The following NRBF2 variants were observed in gnomAD, a reference collection of about 807,000 sequenced individuals.
The protein encoded by NRBF2 is nuclear receptor-binding factor 2.
A neutral mutation model predicts 28.5 loss-of-function variants in NRBF2; 12 were observed. The ratio of observed to expected loss-of-function variants is 0.42; its 90% CI spans 0.27 to 0.68. NRBF2 has a LOEUF of 0.68. Ranked by LOEUF, NRBF2 falls within the 30% of genes least tolerant of loss-of-function variation. The pLI is 0.24. For missense variants in NRBF2, 274 were observed against 333.5 expected (o/e 0.82, Z 1.39); for synonymous variants, 102 against 116.5 (o/e 0.88, Z 0.80).
rs1040069180 is a variant in NRBF2 at position 63,133,355 on chromosome 10, TGGGGCGCAGAGA to T, written c.-110_-99del. ...TCCTTCAGCGCCTATCGCTGGCTCT[TGGGGCGCAGAGA>T]GGGGCCGCAGTCTCCGCGGCTGCGT... is the stretch of plus-strand genomic sequence containing the variant. On this transcript the variant is annotated 5_prime_UTR_variant, in exon 1 of 4. Transcript: ENST00000277746. 1 of 1,238,266 alleles carries T rather than the reference TGGGGCGCAGAGA, an allele frequency of 8.1e-7. No homozygotes were observed. Among genetic ancestry groups the T allele is most frequent in the African/African-American group, 1.5e-5 (1 of 65,970 alleles). 76.7% of individuals were successfully genotyped at this position (1,238,266 alleles called of 1,614,324 possible).
intron 2 of NRBF2, among the ~76,000 whole-genome samples, chr10:63,151,946 C>T (rs765574542): frequency 3.5e-4 from 54 of 152,176 alleles, no homozygotes; most frequent in Non-Finnish European, 7.1e-4. Flanking sequence ...ACAAAACCTT[C>T]AAGATAGGGT....
rs535801791 is a variant in NRBF2 at position 63,133,376 on chromosome 10, A to G, written c.-95A>G. The G allele has an allele frequency of 2.8e-6, 4 of 1,424,036 alleles. No homozygotes were observed. The highest frequency in any genetic ancestry group is 2.8e-5 in the African/African-American group (2 of 70,386). The allele number at this position is 1,424,036 out of a possible 1,614,324, so 88.2% of individuals were successfully genotyped here. A position where few individuals can be genotyped will look rare whatever the true frequency, so the allele number is the denominator to read the frequency against. On this transcript the variant is annotated 5_prime_UTR_variant, in exon 1 of 4. Transcript: ENST00000277746. ...CTCTTGGGGCGCAGAGAGGGGCCGC[A>G]GTCTCCGCGGCTGCGTCGAGCTCCC... is the stretch of plus-strand genomic sequence containing the variant.
At chr10:63,142,385 C>G (rs1841487134) in intron 1 of NRBF2, among the ~76,000 whole-genome samples, 1 of 149,884 alleles carries the variant, frequency 6.7e-6, no homozygotes, top group African/African-American at 2.4e-5. Flanking sequence ...CTCACTGCAA[C>G]CTCTGCCGCC....
chr10:63,137,024 C>G (rs1277904973), intron 1 of NRBF2, among the ~76,000 whole-genome samples: 1 of 152,178 alleles, frequency 6.6e-6, no homozygotes, highest in Non-Finnish European at 1.5e-5. Flanking sequence ...GTTTTTTGGT[C>G]AATTTTTCTT....
chr10:63,152,122 T>C (rs1157254751), intron 2 of NRBF2, 28 bp from the exon 3 acceptor site: 2 of 1,586,632 alleles, frequency 1.3e-6, no homozygotes, highest in Admixed American at 1.7e-5. Flanking sequence ...AAGACACATA[T>C]TAACATGCCT....
intron 2 of NRBF2, among the ~76,000 whole-genome samples, chr10:63,148,349 G>A (rs1011400205): frequency 6.6e-6 from 1 of 152,198 alleles, no homozygotes; most frequent in African/African-American, 2.4e-5. Flanking sequence ...TTGTGTTTTA[G>A]AATGGAGTTG....
At chr10:63,150,099 G>A (rs1410259946) in intron 2 of NRBF2, among the ~76,000 whole-genome samples, 14 of 150,900 alleles carry the variant, frequency 9.3e-5, no homozygotes, top group Middle Eastern at 3.4e-3. Flanking sequence ...CTGCCACCAC[G>A]CCCAGCTAAT....
rs750920127 is a variant in NRBF2, at chr10:63,146,241, A to G, written c.63A>G (p.Leu21=). 3 of 1,612,510 alleles carry G rather than the reference A, an allele frequency of 1.9e-6. No individual in the cohort carries two copies. In the South Asian group the frequency reaches 3.3e-5, roughly 18 times the overall value. The part of the protein sequence containing the change: ...AHQQSRRADR[L]LAAGKYEEAI... ...AACAGAGCAGACGAGCAGACCGTTT[A>G]TTAGCTGCAGGCAAATACGAAGAGG... The change falls in exon 2 of 4, where the codon TTA becomes TTG. Residue 21 remains leucine, a synonymous_variant. Coordinates refer to ENST00000277746, the MANE Select transcript of NRBF2 (RefSeq NM_030759.5).
intron 1 of NRBF2, among the ~76,000 whole-genome samples, chr10:63,141,961 C>T (rs1302316608): frequency 6.6e-6 from 1 of 152,158 alleles, no homozygotes; most frequent in Non-Finnish European, 1.5e-5. Flanking sequence ...AGAGATTGGA[C>T]TCTACATGGG....
chr10:63,137,665 G>A (rs1589015970), intron 1 of NRBF2, among the ~76,000 whole-genome samples: 2 of 152,330 alleles, frequency 1.3e-5, no homozygotes, highest in Admixed American at 1.3e-4. Flanking sequence ...AAGAAAAGTA[G>A]TCAGATATCA....
chr10:63,133,993 A>C (rs1589014621), intron 1 of NRBF2, among the ~76,000 whole-genome samples: 9 of 51,372 alleles, frequency 1.8e-4, no homozygotes, highest in East Asian at 4.9e-4. Context: ...CCCCCTCCTC[A>C]CCCTCCACTT....
intron 2 of NRBF2, among the ~76,000 whole-genome samples, chr10:63,149,525 T>G (rs558301217): frequency 5.5e-4 from 84 of 152,382 alleles, no homozygotes; most frequent in African/African-American, 1.9e-3. Context: ...TTTCTAAATT[T>G]CTGTGTTGCT....
intron 2 of NRBF2, 44 bp from the exon 3 acceptor site, chr10:63,152,105 CA>C: frequency 6.9e-7 from 1 of 1,455,914 alleles, no homozygotes; most frequent in Non-Finnish European, 9.6e-7. Flanking sequence ...CTGTTAATTA[CA>C]AAATGAAGAC....
At chr10:63,139,091 C>A (rs182562666) in intron 1 of NRBF2, among the ~76,000 whole-genome samples, 3 of 152,244 alleles carry the variant, frequency 2.0e-5, no homozygotes, top group Non-Finnish European at 4.4e-5. Flanking sequence ...CTCACCACAA[C>A]CTCCGCCTCC....
intron 2 of NRBF2, 52 bp from the exon 3 acceptor site, chr10:63,152,095 CTGT>C: frequency 2.3e-6 from 3 of 1,277,878 alleles, no homozygotes; most frequent in East Asian, 2.3e-5. Context: ...TTCCTTTTAC[CTGT>C]TAATTACAAA....
At chr10:63,152,066 A>G in intron 2 of NRBF2, 84 bp from the exon 3 acceptor site, 2 of 990,934 alleles carry the variant, frequency 2.0e-6, no homozygotes, top group South Asian at 2.8e-5. Context: ...TCTTTGTCAT[A>G]TGAAGATTAT....
intron 1 of NRBF2, among the ~76,000 whole-genome samples, chr10:63,137,901 T>C (rs1460797694): frequency 6.6e-6 from 1 of 152,192 alleles, no homozygotes; most frequent in Non-Finnish European, 1.5e-5. Context: ...CAATTATTGC[T>C]AAGTGGTAGG....
Position 63,146,271 on chromosome 10 carries a change from T to G in NRBF2, c.93T>G (p.Ile31Met), listed in dbSNP as rs772083832. 3 of 1,612,226 alleles carry G rather than the reference T, an allele frequency of 1.9e-6. No homozygotes were observed. In the African/African-American group the frequency reaches 4.0e-5, roughly 22 times the overall value. ...CTGCAGGCAAATACGAAGAGGCTATTTCTTGTCACAAAAAGGCTGCAGGTG... is the reference window on the plus strand; with the variant it reads ...CTGCAGGCAAATACGAAGAGGCTATGTCTTGTCACAAAAAGGCTGCAGGTG... ...LLAAGKYEEA[I>M]SCHKKAAAYL... is the part of the protein sequence containing the mutation. The change falls in exon 2 of 4, where the codon ATT becomes ATG. Residue 31 changes from isoleucine to methionine, a missense_variant. Physicochemically the swap from Ile to Met is conservative, Grantham distance 10. Transcript: ENST00000277746.
intron 2 of NRBF2, among the ~76,000 whole-genome samples, chr10:63,151,595 C>A (rs1000912085): frequency 6.6e-6 from 1 of 152,114 alleles, no homozygotes; most frequent in African/African-American, 2.4e-5. Flanking sequence ...GATCTAAGAT[C>A]AGAGAGAAGT....
Sources: allele counts gnomAD v4.1 joint callset (sites outside exome capture counted in the v4.1 genomes callset), GRCh38; gene constraint gnomAD v4.1.1; transcripts MANE v1.5; gene names NCBI Gene and HGNC (gene_info 2026-07-23, HGNC 2026-07-21).